The following ARHGAP27 variants were observed in gnomAD, a reference collection of about 807,000 sequenced individuals.
ARHGAP27 encodes the protein rho GTPase-activating protein 27.
ARHGAP27 carries 53 observed loss-of-function variants against 102.0 expected under a neutral mutation model. The ratio of observed to expected loss-of-function variants is 0.52; its 90% CI spans 0.42 to 0.65. ARHGAP27 has a LOEUF of 0.65. Ranked by LOEUF, ARHGAP27 falls within the 30% of genes least tolerant of loss-of-function variation. The pLI is 0.00. For missense variants in ARHGAP27, 1,117 were observed against 1,256.2 expected (o/e 0.89, Z 1.68); for synonymous variants, 525 against 542.8 (o/e 0.97, Z 0.46).
chr17:45,421,092 A>G, intron 4 of ARHGAP27, among the ~76,000 whole-genome samples: 1 of 141,694 alleles, frequency 7.1e-6, no homozygotes, highest in Non-Finnish European at 1.5e-5. Context: ...GCAAAAGTAC[A>G]ACAAGAATGA....
At chr17:45,397,228 C>T (rs1279156222) in intron 13 of ARHGAP27, 5 of 1,425,356 alleles carry the variant, frequency 3.5e-6, no homozygotes, top group Admixed American at 2.9e-5. Flanking sequence ...TGCATGGAGC[C>T]CTTAAGGTGC....
In ARHGAP27 at chr17:45,428,775, G is replaced by T. The variant is rs141699132; in HGVS notation, c.657+848C>A. ...ACTGCCCCTAGATCATCACACGGCCGGTGGCAGATGGCAGAACGGTTCTGA... is the reference window on the plus strand; with the variant it reads ...ACTGCCCCTAGATCATCACACGGCCTGTGGCAGATGGCAGAACGGTTCTGA... On this transcript the variant is annotated intron_variant, in intron 4 of 19. Coordinates refer to ENST00000685559, the MANE Select transcript of ARHGAP27 (RefSeq NM_001282290.2). 3.3e-5 allele frequency among the ~76,000 whole-genome samples: 5 copies of T among 152,232 alleles called. No homozygotes were observed. In the East Asian group the frequency reaches 9.6e-4, roughly 29 times the overall value.
In ARHGAP27 at chr17:45,395,267, A is replaced by T. The variant is rs1167577239; in HGVS notation, c.*189T>A. 3 of 660,458 alleles carry T rather than the reference A, an allele frequency of 4.5e-6. No individual in the cohort carries two copies. The African/African-American group carries it at 5.5e-5, about 12-fold the overall frequency. 40.9% of individuals were successfully genotyped at this position (660,458 alleles called of 1,614,324 possible). On this transcript the variant is annotated 3_prime_UTR_variant, in exon 20 of 20. Coordinates refer to ENST00000685559, the MANE Select transcript of ARHGAP27 (RefSeq NM_001282290.2). ...AAGGGGGGATGGGGAGTTGGGAAGA[A>T]GGAATCACATTTTGCAAACTGCCCA... is the stretch of plus-strand genomic sequence containing the variant.
chr17:45,419,834 A>C (rs1031327854), intron 4 of ARHGAP27, among the ~76,000 whole-genome samples: 3 of 152,132 alleles, frequency 2.0e-5, no homozygotes, highest in African/African-American at 7.2e-5. Context: ...ATTCACAGAA[A>C]AAAAAGGGGG....
In ARHGAP27 at chr17:45,429,604, C is replaced by T. The variant is rs761894276; in HGVS notation, c.657+19G>A. The T allele has an allele frequency of 7.6e-6, 12 of 1,575,372 alleles. No individual in the cohort carries two copies. Among genetic ancestry groups the T allele is most frequent in the African/African-American group, 1.4e-5 (1 of 73,640 alleles). ...CTAGCGCGCCACCCGCCTCCGCGCC[C>T]CAGCGCCCGGGGAGGTACCTGCTCT... On this transcript the variant is annotated intron_variant, in intron 4 of 19. Transcript: ENST00000685559.
chr17:45,396,193 G>C lies in ARHGAP27; in HGVS notation c.2251+14C>G. On this transcript the variant is annotated intron_variant, in intron 17 of 19. Transcript: ENST00000685559. ...CCTTCAGGCCCTGGGGCAGGGGTTG[G>C]GGACGGGCCTCACCGTGGTCCACCT... 6.2e-7 allele frequency: 1 copy of C among 1,602,378 alleles called. No homozygotes were observed.
At chr17:45,403,594 C>T (rs774165202) in intron 11 of ARHGAP27, 25 bp downstream of exon 11, 3 of 1,575,620 alleles carry the variant, frequency 1.9e-6, no homozygotes, top group African/African-American at 1.4e-5. Context: ...ATGGGATGGT[C>T]CCTGCCCTGA....
intron 4 of ARHGAP27, among the ~76,000 whole-genome samples, chr17:45,426,886 C>T (rs1192681211): frequency 2.6e-5 from 4 of 152,170 alleles, no homozygotes; most frequent in Admixed American, 6.5e-5. Context: ...GTTATACGGC[C>T]TTTCTCTCAC....
At position 45,405,687 on chromosome 17, in the gene ARHGAP27, C is replaced by G. The variant is rs2047075210; in HGVS notation, c.1054G>C (p.Gly352Arg). ...GCCCTGCCCCTCACCCGCGGGTCCCCTGGGCTGCCAGGGCTCAGGCCCGGC... is the reference window on the plus strand; with the variant it reads ...GCCCTGCCCCTCACCCGCGGGTCCCGTGGGCTGCCAGGGCTCAGGCCCGGC... ...MQPGLSPGSP[G>R]DPRPPTPETD... Residue 352 changes from glycine (G) to arginine (R), a missense_variant, in exon 5 of 20, where the codon GGG (glycine) becomes CGG (arginine). By Grantham distance (125) the Gly-to-Arg change is moderately radical. Transcript: ENST00000685559. 2 of 1,595,872 alleles carry G rather than the reference C, an allele frequency of 1.3e-6. No individual in the cohort carries two copies. The highest frequency in any genetic ancestry group is 1.7e-6 in the Non-Finnish European group (2 of 1,174,554).
chr17:45,404,953 G>T lies in ARHGAP27; in HGVS notation c.1219C>A (p.Leu407Ile), dbSNP rs2046953193. The T allele has an allele frequency of 6.2e-7, 1 of 1,614,056 alleles. No homozygotes were observed. The highest frequency in any genetic ancestry group is 8.5e-7 in the Non-Finnish European group (1 of 1,179,990). ...SCHVSQDKQM[L>I]YTNHFTQEQW... is the part of the protein sequence containing the mutation. ...TCCTGAGTGAAGTGGTTGGTGTAGAGCATCTGCTTGTCCTGGCTGACATGA... is the reference window on the plus strand; with the variant it reads ...TCCTGAGTGAAGTGGTTGGTGTAGATCATCTGCTTGTCCTGGCTGACATGA... The change falls in exon 6 of 20, where the codon CTC becomes ATC. Residue 407 changes from leucine (L) to isoleucine (I), a missense_variant. Physicochemically the swap from Leu to Ile is conservative, Grantham distance 5. Around this residue, in one of 3 missense-constraint regions of ARHGAP27, gnomAD observed 610 missense variants for 716.4 expected, o/e 0.85. Transcript: ENST00000685559.
In ARHGAP27 at chr17:45,398,449, T is replaced by G. The variant is rs146377712; in HGVS notation, c.1744-402A>C. Among the ~76,000 whole-genome samples, 3 of 152,240 alleles carry G rather than the reference T, an allele frequency of 2.0e-5. No homozygotes were observed. The East Asian group carries it at 5.8e-4, about 29-fold the overall frequency. On this transcript the variant is annotated intron_variant, in intron 12 of 19. Transcript: ENST00000685559. ...CAAACTAAGTGAAAGAAACTTCCTA[T>G]GTGAGGCCAGGCACGATGGCTCATA...
At chr17:45,396,887 GC>G in intron 14 of ARHGAP27, 28 bp downstream of exon 14, 1 of 1,607,212 alleles carries the variant, frequency 6.2e-7, no homozygotes. Context: ...GCCTCCTGGA[GC>G]CCCCACCCCA....
intron 4 of ARHGAP27, among the ~76,000 whole-genome samples, chr17:45,407,018 A>G (rs983865876): frequency 3.3e-5 from 5 of 152,186 alleles, no homozygotes; most frequent in African/African-American, 1.2e-4. Context: ...CACATAGAAC[A>G]TAAACCTAGC....
At position 45,430,326 on chromosome 17, in the gene ARHGAP27, AG is replaced by A. The variant is rs1174226547; in HGVS notation, c.-18-30del. The A allele has an allele frequency of 6.6e-7, 1 of 1,518,458 alleles. No homozygotes were observed. Among genetic ancestry groups the A allele is most frequent in the Admixed American group, 2.2e-5 (1 of 46,038 alleles). 94.1% of individuals were successfully genotyped at this position (1,518,458 alleles called of 1,614,324 possible). ...CGGGCAACAAGAAGGAGGGCCGCGGAGGTCAAGACCACCGAGCCTGGAATAG... is the reference window on the plus strand; with the variant it reads ...CGGGCAACAAGAAGGAGGGCCGCGGAGTCAAGACCACCGAGCCTGGAATAG... On this transcript the variant is annotated intron_variant, in intron 3 of 19. Coordinates refer to ENST00000685559, the MANE Select transcript of ARHGAP27 (RefSeq NM_001282290.2). The surrounding 1 kb of genome is among the most constrained non-coding windows in gnomAD (Gnocchi z 4.4).
chr17:45,402,184 C>A (rs2046519441), intron 12 of ARHGAP27, among the ~76,000 whole-genome samples: 1 of 151,938 alleles, frequency 6.6e-6, no homozygotes, highest in Non-Finnish European at 1.5e-5. Flanking sequence ...GGGAAAGGGA[C>A]CTGGGGAGAA....
chr17:45,429,253 C>CT, intron 4 of ARHGAP27: 4 of 548,804 alleles, frequency 7.3e-6, no homozygotes, highest in Non-Finnish European at 1.2e-5. Flanking sequence ...CCCAGCAGGG[C>CT]TTGGGGCAGC....
intron 4 of ARHGAP27, 81 bp downstream of exon 4, chr17:45,429,542 G>C (rs775573903): frequency 3.8e-6 from 6 of 1,558,778 alleles, no homozygotes; most frequent in Non-Finnish European, 3.4e-6. Flanking sequence ...GAGCGGAGCG[G>C]GTCTCCTTGC....
At position 45,429,675 on chromosome 17, in the gene ARHGAP27, T is replaced by C. The variant is rs1315999688; in HGVS notation, c.605A>G (p.Tyr202Cys). The change falls in exon 4 of 20, where the codon TAC becomes TGC. Residue 202 changes from tyrosine to cysteine, a missense_variant. Tyr to Cys is a radical substitution (Grantham distance 194). Transcript: ENST00000685559. ...PLARSDSENV[Y>C]EVIQDLHVPP... is the part of the protein sequence containing the mutation. Reference sequence around the variant, plus strand: ...GACGTGCAAGTCCTGGATGACCTCGTAGACGTTCTCTGAGTCGCTGCGCGC... The same window carrying C: ...GACGTGCAAGTCCTGGATGACCTCGCAGACGTTCTCTGAGTCGCTGCGCGC... 4.4e-6 allele frequency: 7 copies of C among 1,578,150 alleles called. No individual in the cohort carries two copies. The highest frequency in any genetic ancestry group is 4.7e-5 in the East Asian group (2 of 42,984).
chr17:45,419,492 A>C (rs556619769), intron 4 of ARHGAP27, among the ~76,000 whole-genome samples: 1 of 146,436 alleles, frequency 6.8e-6, no homozygotes. Context: ...GTGTATATAT[A>C]TAAAAGACTT....
Sources: allele counts gnomAD v4.1 joint callset (sites outside exome capture counted in the v4.1 genomes callset), GRCh38; gene constraint gnomAD v4.1.1; regional missense constraint gnomAD v4.1.1; non-coding constraint Gnocchi (gnomAD v3.1); transcripts MANE v1.5; gene names NCBI Gene and HGNC (gene_info 2026-07-23, HGNC 2026-07-21).